The following UNC5D variants were observed in gnomAD, a reference collection of about 807,000 sequenced individuals.
The protein encoded by UNC5D is netrin receptor UNC5D.
Under a neutral mutation model 105.4 loss-of-function variants are expected in UNC5D, and 39 were observed. The observed-to-expected ratio is 0.37, with a 90% CI of 0.29 to 0.48. The LOEUF is 0.48. UNC5D is among the 20% of genes least tolerant of loss of function. The pLI is 0.98. For missense variants in UNC5D, 991 were observed against 1,202.4 expected (o/e 0.82, Z 2.60); for synonymous variants, 452 against 450.4 (o/e 1.00, Z -0.04).
chr8:35,765,853 A>T (rs1295352730), intron 14 of UNC5D, among the ~76,000 whole-genome samples: 1 of 152,134 alleles, frequency 6.6e-6, no homozygotes, highest in African/African-American at 2.4e-5. Flanking sequence ...AGAAAATTTT[A>T]TTTTTAGCAA....
intron 1 of UNC5D, among the ~76,000 whole-genome samples, chr8:35,491,370 C>T (rs1286246305): frequency 3.3e-5 from 5 of 152,082 alleles, no homozygotes; most frequent in Non-Finnish European, 5.9e-5. Context: ...ACATGATAGA[C>T]TTGGCTTTAA....
At chr8:35,653,164 A>G (rs1823533604) in intron 4 of UNC5D, among the ~76,000 whole-genome samples, 1 of 151,938 alleles carries the variant, frequency 6.6e-6, no homozygotes, top group Admixed American at 6.6e-5. Flanking sequence ...TCTTGACCTC[A>G]TGATTCGCCC....
chr8:35,456,994 A>G (rs1232113351), intron 1 of UNC5D, among the ~76,000 whole-genome samples: 1 of 152,202 alleles, frequency 6.6e-6, no homozygotes, highest in Non-Finnish European at 1.5e-5. Context: ...CATTTTCTCG[A>G]GGTTTTGAGT....
intron 3 of UNC5D, among the ~76,000 whole-genome samples, chr8:35,584,927 A>G (rs1274063997): frequency 1.3e-5 from 2 of 152,212 alleles, no homozygotes; most frequent in African/African-American, 2.4e-5. Context: ...TTTTTGGAAT[A>G]TGAATGATTT....
chr8:35,473,673 C>T (rs1475842710), intron 1 of UNC5D, among the ~76,000 whole-genome samples: 1 of 152,124 alleles, frequency 6.6e-6, no homozygotes, highest in African/African-American at 2.4e-5. Flanking sequence ...AGGATGATTA[C>T]ATTATTATAT....
intron 1 of UNC5D, among the ~76,000 whole-genome samples, chr8:35,547,588 C>T (rs1487170454): frequency 2.6e-5 from 4 of 152,142 alleles, no homozygotes; most frequent in South Asian, 2.1e-4. Flanking sequence ...CGTAAGCCAC[C>T]GCGGCCAGTC....
Position 35,750,919 on chromosome 8 carries a change from C to T in UNC5D, c.2163+110C>T, listed in dbSNP as rs544046338. 611 of 1,325,224 alleles carry T rather than the reference C, an allele frequency of 4.6e-4. 2 individuals carry two copies. The African/African-American group carries it at 7.6e-3, about 16-fold the overall frequency. 82.1% of individuals were successfully genotyped at this position (1,325,224 alleles called of 1,614,324 possible). A position where few individuals can be genotyped will look rare whatever the true frequency, so the allele number is the denominator to read the frequency against. On this transcript the variant is annotated intron_variant, in intron 13 of 16. Coordinates refer to ENST00000404895, the MANE Select transcript of UNC5D (RefSeq NM_080872.4). The stretch of plus-strand genomic sequence containing the variant: ...ACTGAGGGTCTAGAAAATGAACCCA[C>T]GCCACTGTAACTGCCCAGTGGGTTC...
chr8:35,575,025 A>C (rs1664336243), intron 3 of UNC5D, among the ~76,000 whole-genome samples: 1 of 152,120 alleles, frequency 6.6e-6, no homozygotes, highest in Admixed American at 6.5e-5. Context: ...TCACATACCA[A>C]CTAAGTCATT....
chr8:35,659,007 G>C (rs1823953483), intron 4 of UNC5D, among the ~76,000 whole-genome samples: 1 of 152,176 alleles, frequency 6.6e-6, no homozygotes, highest in Non-Finnish European at 1.5e-5. Flanking sequence ...AAGTCATCAT[G>C]ATAGTCCATG....
intron 3 of UNC5D, among the ~76,000 whole-genome samples, chr8:35,592,383 T>C (rs548353204): frequency 1.3e-5 from 2 of 152,304 alleles, no homozygotes; most frequent in South Asian, 4.1e-4. Context: ...ATTCTTGTTA[T>C]ATGGCTAAGG....
Position 35,683,638 on chromosome 8 carries a change from C to A in UNC5D, c.662C>A (p.Ala221Glu). The change falls in exon 5 of 17, where the codon GCA (alanine) becomes GAA (glutamate). Residue 221 changes from alanine (A) to glutamate (E), a missense_variant. Physicochemically the swap from Ala to Glu is moderately radical, Grantham distance 107. Transcript: ENST00000404895. Reference sequence around the variant, plus strand: ...GACCATAACCTGATCATCAGGCAGGCACGGCTCTCGGACTCAGGAAATTAC... The same window carrying A: ...GACCATAACCTGATCATCAGGCAGGAACGGCTCTCGGACTCAGGAAATTAC... ...RADHNLIIRQ[A>E]RLSDSGNYTC... is the part of the protein sequence containing the mutation. 1 of 1,581,946 alleles carries A rather than the reference C, an allele frequency of 6.3e-7. No individual in the cohort carries two copies. Among genetic ancestry groups the A allele is most frequent in the Non-Finnish European group, 8.6e-7 (1 of 1,168,912 alleles).
chr8:35,728,108 A>G (rs1008100996), intron 10 of UNC5D, among the ~76,000 whole-genome samples: 2 of 143,100 alleles, frequency 1.4e-5, no homozygotes, highest in South Asian at 2.2e-4. Flanking sequence ...ATATATATAT[A>G]TATGCCATAA....
chr8:35,237,999 G>C lies in UNC5D; in HGVS notation c.103+2112G>C, dbSNP rs77440041. Among the ~76,000 whole-genome samples, 487 of 152,282 alleles carry C rather than the reference G, an allele frequency of 3.2e-3. 1 individual carries two copies. The highest frequency in any genetic ancestry group is 0.01 in the African/African-American group (425 of 41,568). ...ATGCACTGGTGTGGCATGCTTGCCT[G>C]ACCACTAGTCTCACCATACTCTCTA... On this transcript the variant is annotated intron_variant, in intron 1 of 16. Coordinates refer to ENST00000404895, the MANE Select transcript of UNC5D (RefSeq NM_080872.4).
At chr8:35,607,891 G>A (rs903042975) in intron 4 of UNC5D, among the ~76,000 whole-genome samples, 1 of 151,974 alleles carries the variant, frequency 6.6e-6, no homozygotes, top group Non-Finnish European at 1.5e-5. Flanking sequence ...TATGAAAATG[G>A]ATTAATACAT....
chr8:35,779,029 T>C (rs1167222938), intron 16 of UNC5D, among the ~76,000 whole-genome samples: 2 of 152,228 alleles, frequency 1.3e-5, no homozygotes, highest in Non-Finnish European at 2.9e-5. Flanking sequence ...AAGAATGTCA[T>C]AGATAACAGT....
chr8:35,679,440 A>T (rs138504732), intron 4 of UNC5D, among the ~76,000 whole-genome samples: 1 of 152,290 alleles, frequency 6.6e-6, no homozygotes, highest in African/African-American at 2.4e-5. Context: ...TTCAGGGCAG[A>T]GGAATCAGTA....
intron 7 of UNC5D, among the ~76,000 whole-genome samples, chr8:35,696,860 G>T (rs1826817404): frequency 6.6e-6 from 1 of 152,096 alleles, no homozygotes; most frequent in Non-Finnish European, 1.5e-5. Flanking sequence ...TCTTACGTGT[G>T]TTTAGTACAG....
intron 13 of UNC5D, 31 bp from the exon 14 acceptor site, chr8:35,759,289 T>C (rs1479681887): frequency 1.2e-6 from 2 of 1,609,454 alleles, no homozygotes; most frequent in South Asian, 1.1e-5. Flanking sequence ...TATTTCATTA[T>C]TGATCTTATT....
intron 7 of UNC5D, among the ~76,000 whole-genome samples, chr8:35,694,846 G>A (rs545947118): frequency 1.3e-5 from 2 of 152,160 alleles, no homozygotes; most frequent in African/African-American, 4.8e-5. Context: ...CTCCCAAAGT[G>A]CTAGGATAAC....
Sources: allele counts gnomAD v4.1 joint callset (sites outside exome capture counted in the v4.1 genomes callset), GRCh38; gene constraint gnomAD v4.1.1; transcripts MANE v1.5; gene names NCBI Gene and HGNC (gene_info 2026-07-23, HGNC 2026-07-21).